The following SYN3 variants were observed in gnomAD, a reference collection of about 807,000 sequenced individuals.
SYN3 encodes the protein synapsin III.
A neutral mutation model predicts 65.8 loss-of-function variants in SYN3; 35 were observed. The ratio of observed to expected loss-of-function variants is 0.53; its 90% CI spans 0.41 to 0.70. The LOEUF (loss-of-function observed/expected upper bound fraction) is 0.70. Ranked by LOEUF, SYN3 falls within the 30% of genes least tolerant of loss-of-function variation. SYN3 has a pLI of 0.00. For synonymous variants in SYN3, 270 were observed against 292.9 expected, an observed-to-expected ratio of 0.92 and a Z score of 0.80; for missense variants, 680 against 749.0, an observed-to-expected ratio of 0.91 and a Z score of 1.08.
intron 1 of SYN3, among the ~76,000 whole-genome samples, chr22:33,027,335 G>A (rs931170653): frequency 1.3e-5 from 2 of 152,030 alleles, no homozygotes; most frequent in Non-Finnish European, 2.9e-5. Flanking sequence ...GGTGACTCAC[G>A]CCTGTAATCC....
At position 32,541,674 on chromosome 22, in the gene SYN3, T is replaced by C; in HGVS notation, c.814A>G (p.Ser272Gly). The change falls in exon 8 of 14, where the codon AGC (serine) becomes GGC (glycine). Residue 272 changes from serine (S) to glycine (G), a missense_variant. By Grantham distance (56) the Ser-to-Gly change is moderately conservative. Coordinates refer to ENST00000358763, the MANE Select transcript of SYN3 (RefSeq NM_003490.4). The stretch of plus-strand genomic sequence containing the variant: ...TAGGTTTTGGCCATGGCGACCACGC[T>C]GGTGATGTCCTGGAAGTCAAGCTGG... ...ENQLDFQDIT[S>G]VVAMAKTYAT... 6.2e-7 allele frequency: 1 copy of C among 1,614,098 alleles called. No homozygotes were observed. Among genetic ancestry groups the C allele is most frequent in the Non-Finnish European group, 8.5e-7 (1 of 1,180,010 alleles).
chr22:32,874,335 G>A (rs1299975542), intron 4 of SYN3, among the ~76,000 whole-genome samples: 1 of 152,098 alleles, frequency 6.6e-6, no homozygotes, highest in Non-Finnish European at 1.5e-5. Context: ...ACCGTAATAT[G>A]AGCTATAATA....
chr22:32,615,916 GGAGTCTCCCTAACTTCTGT>G (rs1439694622), intron 6 of SYN3, among the ~76,000 whole-genome samples: 1 of 152,210 alleles, frequency 6.6e-6, no homozygotes, highest in African/African-American at 2.4e-5. Flanking sequence ...CAATGGGGGC[GGAGTCTCCCTAACTTCTGT>G]GAGTGAACGT....
In SYN3 at chr22:33,004,388, G is replaced by A. The variant is rs117006975; in HGVS notation, c.311+1964C>T. Among the ~76,000 whole-genome samples, 886 of 152,398 alleles carry A rather than the reference G, an allele frequency of 5.8e-3. 7 individuals carry two copies. Among genetic ancestry groups the A allele is most frequent in the South Asian group, 0.028 (137 of 4,832 alleles). On this transcript the variant is annotated intron_variant, in intron 2 of 13. Transcript: ENST00000358763. Reference sequence around the variant, plus strand: ...AAACTATAGGGATGGAGCTATCCAAGGTCATGGGAGCCCACCTCTTGCATC... The same window carrying A: ...AAACTATAGGGATGGAGCTATCCAAAGTCATGGGAGCCCACCTCTTGCATC...
intron 6 of SYN3, among the ~76,000 whole-genome samples, chr22:32,730,213 C>T (rs2061251931): frequency 6.6e-6 from 1 of 152,192 alleles, no homozygotes; most frequent in South Asian, 2.1e-4. Context: ...TAAATGCACA[C>T]CTTGAATATA....
chr22:32,939,648 T>C (rs1169115259), intron 3 of SYN3, among the ~76,000 whole-genome samples: 1 of 152,226 alleles, frequency 6.6e-6, no homozygotes, highest in East Asian at 1.9e-4. Flanking sequence ...CCTTCTTTCA[T>C]ATCTGTGATT....
chr22:32,870,252 A>T (rs1351302852), intron 4 of SYN3, among the ~76,000 whole-genome samples: 1 of 152,220 alleles, frequency 6.6e-6, no homozygotes, highest in African/African-American at 2.4e-5. Flanking sequence ...ACCTTTGTAT[A>T]TACATTTTTG....
intron 6 of SYN3, among the ~76,000 whole-genome samples, chr22:32,712,958 G>A (rs1294112935): frequency 2.0e-5 from 3 of 152,164 alleles, no homozygotes; most frequent in Non-Finnish European, 4.4e-5. Context: ...TGCTGTGATA[G>A]TTCCTTATTC....
intron 6 of SYN3, among the ~76,000 whole-genome samples, chr22:32,730,695 A>G (rs1458849042): frequency 6.6e-6 from 1 of 152,208 alleles, no homozygotes; most frequent in African/African-American, 2.4e-5. Context: ...CTGTGAGGTA[A>G]TAAGTGGGTG....
At chr22:32,998,176 A>G (rs2052944268) in intron 2 of SYN3, among the ~76,000 whole-genome samples, 1 of 152,148 alleles carries the variant, frequency 6.6e-6, no homozygotes. Flanking sequence ...GCCCTGTTCT[A>G]GGCATGGGCA....
At chr22:32,894,178 C>T (rs1482825661) in intron 4 of SYN3, among the ~76,000 whole-genome samples, 1 of 135,540 alleles carries the variant, frequency 7.4e-6, no homozygotes, top group Non-Finnish European at 1.7e-5. Flanking sequence ...TGAATCACTG[C>T]TAAGAAACAG....
intron 6 of SYN3, among the ~76,000 whole-genome samples, chr22:32,608,788 G>A (rs1041176654): frequency 6.6e-6 from 1 of 152,112 alleles, no homozygotes; most frequent in Non-Finnish European, 1.5e-5. Flanking sequence ...ACCCAAAATC[G>A]ACGTTGTTGT....
At chr22:32,780,078 A>AAAAAAAG (rs1359453939) in intron 6 of SYN3, among the ~76,000 whole-genome samples, 1 of 52,650 alleles carries the variant, frequency 1.9e-5, no homozygotes, top group African/African-American at 5.9e-5. Context: ...CAAAAAAAAA[A>AAAAAAAG]AGAGAGAGAA....
At chr22:32,625,935 T>G (rs970508596) in intron 6 of SYN3, among the ~76,000 whole-genome samples, 2 of 152,210 alleles carry the variant, frequency 1.3e-5, no homozygotes, top group Non-Finnish European at 2.9e-5. Context: ...GGCCAAATAT[T>G]CTGCATCACA....
intron 7 of SYN3, among the ~76,000 whole-genome samples, chr22:32,586,506 C>T (rs1168043851): frequency 2.0e-5 from 3 of 152,088 alleles, no homozygotes; most frequent in Non-Finnish European, 4.4e-5. Context: ...GAAGACTAGA[C>T]AGCACTTCAG....
intron 6 of SYN3, 89 bp downstream of exon 6, chr22:32,864,826 T>C: frequency 1.6e-6 from 2 of 1,223,850 alleles, no homozygotes; most frequent in Non-Finnish European, 2.4e-6. Context: ...ACCCCTAGAG[T>C]CCACCTCCTC....
rs749763313 is a variant in SYN3, at chr22:32,671,015, C to T, written c.712-74279G>A. Among the ~76,000 whole-genome samples, 101 of 152,194 alleles carry T rather than the reference C, an allele frequency of 6.6e-4. 1 individual carries two copies. The highest frequency in any genetic ancestry group is 1.2e-3 in the Non-Finnish European group (84 of 68,032). ...TGGACCGGGTGGAAGTCAAGAGACG[C>T]GGATTCTAGCCCTGGCACCATAAGG... On this transcript the variant is annotated intron_variant, in intron 6 of 13. Coordinates refer to ENST00000358763, the MANE Select transcript of SYN3 (RefSeq NM_003490.4).
At chr22:32,726,388 G>T (rs1418465456) in intron 6 of SYN3, among the ~76,000 whole-genome samples, 2 of 152,252 alleles carry the variant, frequency 1.3e-5, no homozygotes, top group African/African-American at 4.8e-5. Context: ...TGATCTGCCC[G>T]CCTTGGCCTC....
intron 6 of SYN3, among the ~76,000 whole-genome samples, chr22:32,813,600 T>G (rs1448640221): frequency 6.6e-6 from 1 of 151,872 alleles, no homozygotes; most frequent in Admixed American, 6.6e-5. Context: ...TTTTGTGATC[T>G]GGAATCCATT....
Sources: allele counts gnomAD v4.1 joint callset (sites outside exome capture counted in the v4.1 genomes callset), GRCh38; gene constraint gnomAD v4.1.1; transcripts MANE v1.5; gene names NCBI Gene and HGNC (gene_info 2026-07-23, HGNC 2026-07-21).